IGFBP2: variants seen among roughly 807,000 people sequenced by gnomAD.
IGFBP2 encodes insulin-like growth factor-binding protein 2.
A neutral mutation model predicts 26.2 loss-of-function variants in IGFBP2; 12 were observed. The ratio of observed to expected loss-of-function variants is 0.46; its 90% CI spans 0.29 to 0.74. The LOEUF is 0.74. Among genes scored for constraint, IGFBP2 ranks in the 30% least tolerant of loss-of-function variants. The pLI, the probability that IGFBP2 is intolerant of heterozygous loss-of-function variation, is 0.09. For synonymous variants in IGFBP2, 189 were observed against 200.6 expected (o/e 0.94, Z 0.49); for missense variants, 328 against 441.2 (o/e 0.74, Z 2.30).
Position 216,647,035 on chromosome 2 carries a change from A to G in IGFBP2, c.442+13070A>G, listed in dbSNP as rs539861011. On this transcript the variant is annotated intron_variant, in intron 1 of 3. Transcript: ENST00000233809. ...ACAAGAAAAGCATTTTAGAAAGGTG[A>G]ATAAAGAAGAAACCAAGGCAGCAGA... Among the ~76,000 whole-genome samples the G allele has an allele frequency of 3.6e-4, 55 of 152,366 alleles. No homozygotes were observed. The South Asian group carries it at 7.0e-3, about 20-fold the overall frequency.
At chr2:216,635,816 ACT>A (rs1196356754) in intron 1 of IGFBP2, among the ~76,000 whole-genome samples, 5 of 151,666 alleles carry the variant, frequency 3.3e-5, no homozygotes, top group African/African-American at 1.2e-4. Flanking sequence ...GAAGAATGTC[ACT>A]CTGGATTTTC....
chr2:216,642,306 A>AT (rs78737054), intron 1 of IGFBP2, among the ~76,000 whole-genome samples: 4,031 of 93,782 alleles, frequency 0.043, 329 homozygotes, highest in African/African-American at 0.15. Context: ...CTAGGCTTGC[A>AT]TTTTTTTTTT....
At chr2:216,636,925 A>AGGCAGGCAGGCGGGCG (rs1220800109) in intron 1 of IGFBP2, among the ~76,000 whole-genome samples, 1 of 104,852 alleles carries the variant, frequency 9.5e-6, no homozygotes, top group Non-Finnish European at 1.9e-5. Context: ...GCAGGCAGGC[A>AGGCAGGCAGGCGGGCG]GGCGGGCGGG....
intron 1 of IGFBP2, among the ~76,000 whole-genome samples, chr2:216,656,733 G>A (rs1432321682): frequency 6.6e-6 from 1 of 152,120 alleles, no homozygotes; most frequent in East Asian, 1.9e-4. Flanking sequence ...ACAACGTGTT[G>A]TTATAGCCAT....
chr2:216,638,540 C>A (rs1217343318), intron 1 of IGFBP2, among the ~76,000 whole-genome samples: 1 of 151,970 alleles, frequency 6.6e-6, no homozygotes, highest in Non-Finnish European at 1.5e-5. Context: ...AAATAAAAAG[C>A]CATGGGTTAC....
chr2:216,659,628 G>A (rs865793159), intron 1 of IGFBP2: 6 of 1,017,416 alleles, frequency 5.9e-6, no homozygotes, highest in Middle Eastern at 2.0e-4. Context: ...GACTGTGGCA[G>A]GCTGGAGCTG....
chr2:216,633,984 A>G lies in IGFBP2; in HGVS notation c.442+19A>G. ...GTTGCAGGTAACGCGGTCTGGAACA[A>G]GTAGTTGGGAGAAACTTGGAGGGCA... On this transcript the variant is annotated intron_variant, in intron 1 of 3. Transcript: ENST00000233809. 1 of 1,578,444 alleles carries G rather than the reference A, an allele frequency of 6.3e-7. No individual in the cohort carries two copies. Among genetic ancestry groups the G allele is most frequent in the East Asian group, 2.3e-5 (1 of 42,956 alleles).
At chr2:216,641,894 G>A (rs1331414926) in intron 1 of IGFBP2, among the ~76,000 whole-genome samples, 6 of 151,028 alleles carry the variant, frequency 4.0e-5, no homozygotes, top group Non-Finnish European at 7.4e-5. Flanking sequence ...GTTTCACAGT[G>A]TTAGCCAGGA....
At chr2:216,634,165 C>A (rs1422870752) in intron 1 of IGFBP2, among the ~76,000 whole-genome samples, 200 bp downstream of exon 1, 4 of 152,140 alleles carry the variant, frequency 2.6e-5, no homozygotes, top group Non-Finnish European at 5.9e-5. Context: ...AGAGCCCTGG[C>A]GACTCATTTG....
At position 216,659,567 on chromosome 2, in the gene IGFBP2, G is replaced by A. The variant is rs771748405; in HGVS notation, c.443-990G>A. 9.4e-4 allele frequency: 623 copies of A among 660,854 alleles called. 3 individuals carry two copies. The highest frequency in any genetic ancestry group is 1.6e-3 in the Middle Eastern group (6 of 3,836). 40.9% of individuals were successfully genotyped at this position (660,854 alleles called of 1,614,324 possible). Reference sequence around the variant, plus strand: ...TCTCCTGGTTACAGCTCTGCCGTGCGATTCAGATCCTCTCTGCCTCCTTTG... The same window carrying A: ...TCTCCTGGTTACAGCTCTGCCGTGCAATTCAGATCCTCTCTGCCTCCTTTG... On this transcript the variant is annotated intron_variant, in intron 1 of 3. Coordinates refer to ENST00000233809, the MANE Select transcript of IGFBP2 (RefSeq NM_000597.3).
At chr2:216,643,194 A>C (rs192350615) in intron 1 of IGFBP2, among the ~76,000 whole-genome samples, 2 of 152,180 alleles carry the variant, frequency 1.3e-5, no homozygotes, top group African/African-American at 2.4e-5. Flanking sequence ...AGCTGTTTCC[A>C]AAAAAGTGAT....
Position 216,660,718 on chromosome 2 carries a change from A to T in IGFBP2, c.604A>T (p.Met202Leu). ...REKVTEQHRQ[M>L]GKGGKHHLGL... ...GAAGGTCACTGAGCAGCACCGGCAG[A>T]TGGGCAAGGGTGGCAAGCATCACCT... The change falls in exon 2 of 4, where the codon ATG becomes TTG. Residue 202 changes from methionine (M) to leucine (L), a missense_variant. Physicochemically the swap from Met to Leu is conservative, Grantham distance 15. Transcript: ENST00000233809. The T allele has an allele frequency of 6.2e-7, 1 of 1,613,714 alleles. No homozygotes were observed. Among genetic ancestry groups the T allele is most frequent in the South Asian group, 1.1e-5 (1 of 90,946 alleles).
chr2:216,663,827 C>A, intron 3 of IGFBP2, 113 bp from the exon 4 acceptor site: 1 of 1,130,844 alleles, frequency 8.8e-7, no homozygotes, highest in Non-Finnish European at 1.2e-6. Flanking sequence ...GAAGCTCCAC[C>A]CGGCAGCGCA....
chr2:216,648,514 C>T (rs1206194658), intron 1 of IGFBP2, among the ~76,000 whole-genome samples: 4 of 152,176 alleles, frequency 2.6e-5, no homozygotes, highest in African/African-American at 4.8e-5. Flanking sequence ...TCGTTTGGTC[C>T]TCTTCCAGTA....
chr2:216,654,843 G>T (rs2106201769), intron 1 of IGFBP2, among the ~76,000 whole-genome samples: 1 of 152,282 alleles, frequency 6.6e-6, no homozygotes, highest in South Asian at 2.1e-4. Flanking sequence ...GGTGGCCTCT[G>T]TGAGGGTGGA....
intron 1 of IGFBP2, 66 bp downstream of exon 1, chr2:216,634,031 C>G: frequency 6.6e-7 from 1 of 1,506,910 alleles, no homozygotes. Context: ...CGACGGGCGG[C>G]TGGACCTTAC....
At chr2:216,639,094 G>A (rs1004285422) in intron 1 of IGFBP2, among the ~76,000 whole-genome samples, 17 of 146,780 alleles carry the variant, frequency 1.2e-4, no homozygotes, top group African/African-American at 3.8e-4. Flanking sequence ...GTGCAGTGGC[G>A]TGATCTTGGC....
chr2:216,659,082 C>T (rs972582276), intron 1 of IGFBP2, among the ~76,000 whole-genome samples: 1 of 152,288 alleles, frequency 6.6e-6, no homozygotes, highest in East Asian at 1.9e-4. Context: ...CTAAAGGAAG[C>T]TGCTGCATGG....
chr2:216,636,206 C>T (rs1697491728), intron 1 of IGFBP2, among the ~76,000 whole-genome samples: 1 of 152,104 alleles, frequency 6.6e-6, no homozygotes, highest in Admixed American at 6.5e-5. Context: ...AGACGGAGAT[C>T]TTAGCACTGA....
Sources: gnomAD v4.1 joint callset for allele counts (sites outside exome capture counted in the v4.1 genomes callset) on GRCh38, gnomAD v4.1.1 for gene constraint, MANE v1.5 for transcripts, NCBI Gene and HGNC (gene_info 2026-07-23, HGNC 2026-07-21) for gene names.